RBM25: variants seen among roughly 807,000 people sequenced by gnomAD.
RBM25 encodes the protein RNA binding motif protein 25.
In RBM25, 19 loss-of-function variants were observed where a neutral mutation model predicts 120.7. The observed-to-expected ratio is 0.16, with a 90% CI of 0.11 to 0.23. The LOEUF is 0.23. Ranked by LOEUF, RBM25 falls within the 10% of genes least tolerant of loss-of-function variation. The pLI is 1.00. For missense variants in RBM25, 605 were observed against 1,041.5 expected (o/e 0.58, Z 5.77); for synonymous variants, 390 against 326.7 (o/e 1.19, Z -2.09).
At chr14:73,073,576 T>C (rs143160112) in intron 2 of RBM25, among the ~76,000 whole-genome samples, 2,444 of 152,152 alleles carry the variant, frequency 0.016, 46 homozygotes, top group East Asian at 0.049. Context: ...GAATCCCAGC[T>C]ACTCAGGAGG....
chr14:73,070,188 C>T (rs982293297), intron 1 of RBM25, among the ~76,000 whole-genome samples: 1 of 151,026 alleles, frequency 6.6e-6, no homozygotes, highest in Non-Finnish European at 1.5e-5. Context: ...GCTGGGATTA[C>T]AGGCGCACAC....
chr14:73,075,183 CAG>C (rs1026367867), intron 2 of RBM25, among the ~76,000 whole-genome samples: 44 of 151,604 alleles, frequency 2.9e-4, no homozygotes, highest in Non-Finnish European at 5.9e-5. Flanking sequence ...TTTTTTGGTA[CAG>C]AGTCTTGCAC....
chr14:73,068,475 T>A (rs946220649), intron 1 of RBM25: 2 of 867,040 alleles, frequency 2.3e-6, no homozygotes, highest in African/African-American at 3.3e-5. Flanking sequence ...AAATCCAAGT[T>A]TTGACGTATT....
At chr14:73,077,607 A>G in intron 4 of RBM25, 71 bp downstream of exon 4, 1 of 1,357,572 alleles carries the variant, frequency 7.4e-7, no homozygotes, top group Non-Finnish European at 9.9e-7. Flanking sequence ...AGCAGAAAGA[A>G]GACTTTCAGT....
At chr14:73,093,726 CA>C (rs1895868266) in intron 6 of RBM25, among the ~76,000 whole-genome samples, 2 of 151,778 alleles carry the variant, frequency 1.3e-5, no homozygotes. Flanking sequence ...AGGCTGGTCT[CA>C]AACTCTGGAC....
intron 2 of RBM25, among the ~76,000 whole-genome samples, chr14:73,074,702 A>ATT (rs147897408): frequency 1.5e-3 from 218 of 147,138 alleles, no homozygotes; most frequent in African/African-American, 4.9e-3. Flanking sequence ...AATTTCTTTG[A>ATT]TTTTTTTTTT....
chr14:73,073,432 A>G (rs76651285), intron 2 of RBM25, among the ~76,000 whole-genome samples: 20,581 of 152,248 alleles, frequency 0.14, 2,029 homozygotes, highest in East Asian at 0.43. Flanking sequence ...TCACGCCTGT[A>G]ACCTCAGAAC....
chr14:73,085,412 G>T (rs1170749898), intron 5 of RBM25, among the ~76,000 whole-genome samples: 1 of 148,996 alleles, frequency 6.7e-6, no homozygotes, highest in Non-Finnish European at 1.5e-5. Context: ...GGAGAAAGTT[G>T]CCCCTGCATC....
At chr14:73,067,967 T>G (rs1594896091) in intron 1 of RBM25, 1 of 237,490 alleles carries the variant, frequency 4.2e-6, no homozygotes, top group East Asian at 8.8e-5. Context: ...GGATATTTAT[T>G]AGGCTTCAAA....
At chr14:73,059,503 A>G (rs1332247373) in intron 1 of RBM25, 1 of 152,178 alleles carries the variant, frequency 6.6e-6, no homozygotes, top group Admixed American at 6.6e-5. Context: ...GAGGTTATGT[A>G]ATATGGATTT....
chr14:73,096,839 A>G, intron 6 of RBM25, 76 bp from the exon 7 acceptor site: 1 of 1,294,214 alleles, frequency 7.7e-7, no homozygotes, highest in Non-Finnish European at 1.1e-6. Flanking sequence ...ATGTATGTTT[A>G]TTAACTCTTG....
At chr14:73,086,446 A>C (rs214294) in intron 5 of RBM25, among the ~76,000 whole-genome samples, 5,283 of 151,966 alleles carry the variant, frequency 0.035, 305 homozygotes, top group African/African-American at 0.12. Flanking sequence ...AAAAAAAAAA[A>C]AAAACAAAAC....
intron 4 of RBM25, among the ~76,000 whole-genome samples, chr14:73,079,393 A>G (rs989507123): frequency 1.3e-5 from 2 of 150,810 alleles, no homozygotes; most frequent in African/African-American, 4.8e-5. Flanking sequence ...ACTGCACTCC[A>G]GCCTGGGTGA....
chr14:73,094,297 GCAAT>G (rs1380039545), intron 6 of RBM25, among the ~76,000 whole-genome samples: 2 of 147,790 alleles, frequency 1.4e-5, no homozygotes, highest in Non-Finnish European at 2.9e-5. Context: ...TTAAATATTA[GCAAT>G]CAGTTAAGAT....
chr14:73,112,771 G>GTTTGT lies in RBM25; in HGVS notation c.2391+540_2391+544dup, dbSNP rs535163637. Among the ~76,000 whole-genome samples, 8 of 151,608 alleles carry GTTTGT rather than the reference G, an allele frequency of 5.3e-5. No individual in the cohort carries two copies. The South Asian group carries it at 6.2e-4, about 12-fold the overall frequency. Reference sequence around the variant, plus strand: ...TCTCGGCAGGTATTGTGTTAGTTTTGTTTGTTTTGTTTTGTTTTGTTTTTT... The same window carrying GTTTGT: ...TCTCGGCAGGTATTGTGTTAGTTTTGTTTGTTTTGTTTTGTTTTGTTTTGTTTTTT... On this transcript the variant is annotated intron_variant, in intron 17 of 18. Transcript: ENST00000261973.
At chr14:73,081,232 C>T (rs1055997160) in intron 4 of RBM25, among the ~76,000 whole-genome samples, 7 of 151,966 alleles carry the variant, frequency 4.6e-5, no homozygotes, top group African/African-American at 1.7e-4. Flanking sequence ...CTCCGCCTCC[C>T]GGGTCAGTGA....
chr14:73,102,896 A>G, intron 9 of RBM25: 2 of 300,336 alleles, frequency 6.7e-6, no homozygotes, highest in African/African-American at 2.2e-5. Flanking sequence ...GAACCACCAC[A>G]TTCTTCATGG....
intron 6 of RBM25, chr14:73,088,386 T>A: frequency 1.5e-6 from 1 of 650,830 alleles, no homozygotes; most frequent in Non-Finnish European, 2.8e-6. Context: ...ATGAAAGTAG[T>A]AAGGGAGGCT....
At chr14:73,084,416 A>G (rs1895636265) in intron 5 of RBM25, among the ~76,000 whole-genome samples, 1 of 152,128 alleles carries the variant, frequency 6.6e-6, no homozygotes, top group African/African-American at 2.4e-5. Flanking sequence ...CATTTGTGCA[A>G]TAGTATTTTT....
Sources: gnomAD v4.1 joint callset for allele counts (sites outside exome capture counted in the v4.1 genomes callset) on GRCh38, gnomAD v4.1.1 for gene constraint, MANE v1.5 for transcripts, NCBI Gene and HGNC (gene_info 2026-07-23, HGNC 2026-07-21) for gene names.